Variants in UNC93A observed in about 807,000 individuals in gnomAD.
UNC93A encodes the protein unc-93 homolog A, also known as N-acetylglucosamine transporter UNC93A.
UNC93A carries 43 observed loss-of-function variants against 47.5 expected under a neutral mutation model. The ratio of observed to expected loss-of-function variants is 0.91; its 90% CI spans 0.71 to 1.17. The LOEUF is 1.17. Ranked by LOEUF, UNC93A falls within the 50% of genes most tolerant of loss-of-function variation. UNC93A has a pLI of 0.00. For synonymous variants in UNC93A, 280 were observed against 258.0 expected, an observed-to-expected ratio of 1.09 and a Z score of -0.82; for missense variants, 605 against 577.6, an observed-to-expected ratio of 1.05 and a Z score of -0.49.
intron 2 of UNC93A, among the ~76,000 whole-genome samples, chr6:167,295,579 GCCT>G (rs1778051143): frequency 2.3e-5 from 2 of 88,392 alleles, no homozygotes; most frequent in African/African-American, 7.0e-5. Flanking sequence ...CGTGATCCTC[GCCT>G]GCCTCGTGCT....
At chr6:167,269,277 A>G (rs1388878161), upstream of UNC93A, among the ~76,000 whole-genome samples, 2 of 152,230 alleles carry the variant, frequency 1.3e-5, no homozygotes, top group Non-Finnish European at 2.9e-5. Flanking sequence ...AGCGACGCCC[A>G]GAGACCCAGT....
At chr6:167,284,878 T>C (rs931681359) in intron 1 of UNC93A, among the ~76,000 whole-genome samples, 5 of 151,366 alleles carry the variant, frequency 3.3e-5, no homozygotes, top group Non-Finnish European at 7.4e-5. Context: ...CCGTGGGTCC[T>C]TACCTTGGGA....
chr6:167,304,428 C>T (rs919131960), intron 5 of UNC93A, among the ~76,000 whole-genome samples: 8 of 152,226 alleles, frequency 5.3e-5, no homozygotes, highest in African/African-American at 1.7e-4. Flanking sequence ...GCAGCTGCCG[C>T]TGACTCACCC....
intron 1 of UNC93A, among the ~76,000 whole-genome samples, chr6:167,284,635 A>G (rs546702872): frequency 4.5e-4 from 68 of 152,408 alleles, no homozygotes; most frequent in African/African-American, 1.5e-3. Context: ...ACAGCTCAAT[A>G]TCATTCATTA....
rs114188835 is a variant in UNC93A at position 167,274,356 on chromosome 6, G to A, written c.-52+2898G>A. Among the ~76,000 whole-genome samples the A allele has an allele frequency of 7.1e-3, 1,061 of 149,876 alleles. 18 individuals are homozygous for A. The highest frequency in any genetic ancestry group is 0.024 in the African/African-American group (976 of 40,860). ...ATTCAGGCTAATGGAAAAATCCTAC[G>A]TATTCCACGTTCGGTCCGTCCTCCC... On this transcript the variant is annotated intron_variant, in intron 1 of 3. Transcript: ENST00000503433.
upstream of UNC93A, chr6:167,291,262 A>G: frequency 2.5e-6 from 1 of 394,494 alleles, no homozygotes; most frequent in Non-Finnish European, 4.5e-6. Flanking sequence ...CAGAGAAGGT[A>G]AATGAGTAAC....
At chr6:167,279,280 G>A (rs1783594331) in intron 1 of UNC93A, among the ~76,000 whole-genome samples, 1 of 152,094 alleles carries the variant, frequency 6.6e-6, no homozygotes, top group East Asian at 1.9e-4. Flanking sequence ...AAGAGAGAGG[G>A]ACATTCTGTC....
intron 5 of UNC93A, 42 bp downstream of exon 5, chr6:167,304,175 G>T (rs1178672651): frequency 1.2e-6 from 2 of 1,604,796 alleles, no homozygotes; most frequent in Non-Finnish European, 1.7e-6. Context: ...GCCATGCGTG[G>T]CATCACTGCC....
intron 1 of UNC93A, among the ~76,000 whole-genome samples, chr6:167,274,233 C>T (rs1783500881): frequency 6.6e-6 from 1 of 152,188 alleles, no homozygotes; most frequent in Non-Finnish European, 1.5e-5. Flanking sequence ...CCTCCCCAGG[C>T]CCCTTAGGTA....
At chr6:167,303,008 C>T (rs1159614795) in intron 4 of UNC93A, among the ~76,000 whole-genome samples, 1 of 152,210 alleles carries the variant, frequency 6.6e-6, no homozygotes, top group Non-Finnish European at 1.5e-5. Flanking sequence ...CATAGTCTCT[C>T]AGTAGCCACC....
intron 7 of UNC93A, among the ~76,000 whole-genome samples, chr6:167,311,910 T>C (rs374218353): frequency 0.026 from 3,983 of 152,142 alleles, 10 homozygotes; most frequent in African/African-American, 0.091. Flanking sequence ...TTCGTACAGC[T>C]AGGAAGTAAC....
chr6:167,290,571 C>A (rs182348188), upstream of UNC93A, among the ~76,000 whole-genome samples: 1 of 152,090 alleles, frequency 6.6e-6, no homozygotes, highest in Non-Finnish European at 1.5e-5. Flanking sequence ...AGACTTACCC[C>A]GTCTAATACA....
At chr6:167,291,062 C>T (rs546503569), upstream of UNC93A, among the ~76,000 whole-genome samples, 1 of 152,274 alleles carries the variant, frequency 6.6e-6, no homozygotes, top group African/African-American at 2.4e-5. Flanking sequence ...CCTCATTCTG[C>T]ACCACTGACA....
chr6:167,315,475 T>G lies in UNC93A; in HGVS notation c.*23T>G. 1 of 1,613,884 alleles carries G rather than the reference T, an allele frequency of 6.2e-7. No homozygotes were observed. The highest frequency in any genetic ancestry group is 1.1e-5 in the South Asian group (1 of 91,062). On this transcript the variant is annotated 3_prime_UTR_variant, in exon 8 of 8. Transcript: ENST00000230256. Reference sequence around the variant, plus strand: ...TGAGAGCAGTGAGGTCCGAGGAGGATGAACTCAGAAAGCACCAGCCAGAGA... The same window carrying G: ...TGAGAGCAGTGAGGTCCGAGGAGGAGGAACTCAGAAAGCACCAGCCAGAGA...
upstream of UNC93A, among the ~76,000 whole-genome samples, chr6:167,269,299 AG>A (rs1343455869): frequency 6.6e-6 from 1 of 152,214 alleles, no homozygotes; most frequent in Non-Finnish European, 1.5e-5. Flanking sequence ...TTGGATCAGG[AG>A]CTGTAGTGGA....
intron 7 of UNC93A, among the ~76,000 whole-genome samples, chr6:167,311,228 A>G (rs371261742): frequency 1.3e-5 from 2 of 152,184 alleles, no homozygotes; most frequent in Non-Finnish European, 2.9e-5. Context: ...ATAAAACCCA[A>G]TGCACTTTGT....
At chr6:167,299,841 A>G (rs533479342) in intron 4 of UNC93A, among the ~76,000 whole-genome samples, 2 of 152,350 alleles carry the variant, frequency 1.3e-5, no homozygotes, top group Admixed American at 6.5e-5. Flanking sequence ...GCACAAGACT[A>G]GCTGTGGCCC....
At chr6:167,282,959 T>C (rs1197296673) in intron 1 of UNC93A, among the ~76,000 whole-genome samples, 1 of 152,160 alleles carries the variant, frequency 6.6e-6, no homozygotes, top group Non-Finnish European at 1.5e-5. Context: ...GAAAGGAGTG[T>C]CTAGGTTCAG....
At chr6:167,288,122 G>T (rs1333599410), upstream of UNC93A, among the ~76,000 whole-genome samples, 1 of 152,206 alleles carries the variant, frequency 6.6e-6, no homozygotes, top group Non-Finnish European at 1.5e-5. Context: ...CACAAATGGT[G>T]TGAGGATGGG....
Sources: gnomAD v4.1 joint callset for allele counts (sites outside exome capture counted in the v4.1 genomes callset) on GRCh38, gnomAD v4.1.1 for gene constraint, MANE v1.5 for transcripts, NCBI Gene and HGNC (gene_info 2026-07-23, HGNC 2026-07-21) for gene names.